The following AKAP8L variants were observed in gnomAD, a reference collection of about 807,000 sequenced individuals.
AKAP8L encodes the protein A-kinase anchor protein 8-like.
In AKAP8L, 34 loss-of-function variants were observed where a neutral mutation model predicts 77.5. The ratio of observed to expected loss-of-function variants is 0.44; its 90% CI spans 0.33 to 0.58. The LOEUF is 0.58. AKAP8L is among the 20% of genes least tolerant of loss of function. The probability of loss-of-function intolerance (pLI) is 0.02; values close to 1 mark genes in which losing one functional copy is unlikely to be tolerated. For missense variants in AKAP8L, 806 were observed against 887.6 expected (o/e 0.91, Z 1.17); for synonymous variants, 342 against 340.7 (o/e 1.00, Z -0.04).
chr19:15,418,272 T>C (rs1356550635), intron 1 of AKAP8L, among the ~76,000 whole-genome samples: 1 of 152,234 alleles, frequency 6.6e-6, no homozygotes, highest in Non-Finnish European at 1.5e-5. Flanking sequence ...ACCCAGTCTG[T>C]ACCGGACACG....
At chr19:15,385,040 G>C (rs1201692249) in intron 12 of AKAP8L, among the ~76,000 whole-genome samples, 2 of 150,768 alleles carry the variant, frequency 1.3e-5, no homozygotes, top group Admixed American at 6.6e-5. Context: ...TGCAGTGGCG[G>C]GATCTCGGCT....
chr19:15,412,733 G>A (rs1452616868), intron 1 of AKAP8L, among the ~76,000 whole-genome samples: 4 of 152,286 alleles, frequency 2.6e-5, no homozygotes, highest in South Asian at 4.1e-4. Context: ...TAGTAGAGAT[G>A]GGGTTTCACC....
chr19:15,391,955 C>G (rs892229039), intron 12 of AKAP8L, among the ~76,000 whole-genome samples: 1 of 152,190 alleles, frequency 6.6e-6, no homozygotes, highest in Non-Finnish European at 1.5e-5. Context: ...CTTACCTCAG[C>G]CTCCTGCGTA....
chr19:15,399,010 T>C lies in AKAP8L; in HGVS notation c.1157+292A>G, dbSNP rs1599605238. ...AGGGGCATCAGGCCCCCAGTGCACC[T>C]TGGGGTTCGTGCGCCGAGTGACCTA... On this transcript the variant is annotated intron_variant, in intron 9 of 13. Transcript: ENST00000397410. This position sits in a 1 kb window ranked among gnomAD's most constrained non-coding sequence, Gnocchi z 6.1. 6.9e-6 allele frequency: 3 copies of C among 435,164 alleles called. No individual in the cohort carries two copies. The highest frequency in any genetic ancestry group is 1.3e-5 in the Non-Finnish European group (3 of 237,486). 27.0% of individuals were successfully genotyped at this position (435,164 alleles called of 1,614,324 possible).
At position 15,397,360 on chromosome 19, in the gene AKAP8L, GCTC is replaced by G. The variant is rs1447072112; in HGVS notation, c.1406-83_1406-81del. The G allele has an allele frequency of 1.2e-5, 18 of 1,560,166 alleles. 1 individual carries two copies. The highest frequency in any genetic ancestry group is 1.6e-5 in the Non-Finnish European group (18 of 1,145,036). On this transcript the variant is annotated intron_variant, in intron 11 of 13. Transcript: ENST00000397410. The surrounding 1 kb of genome is among the most constrained non-coding windows in gnomAD (Gnocchi z 4.7). ...GGTGTTCGAGAAAAAAACCACACCA[GCTC>G]CTCCTCAACTCGCCCTGCCACTTCC...
chr19:15,398,802 G>T lies in AKAP8L; in HGVS notation c.1157+500C>A, dbSNP rs1196261057. On this transcript the variant is annotated intron_variant, in intron 9 of 13. Transcript: ENST00000397410. This position sits in a 1 kb window ranked among gnomAD's most constrained non-coding sequence, Gnocchi z 9.2. ...ACAGACCCGACCAAGGGGCGTGAAGGGCTCAGCCGCAGACAGGCCCGGCCT... is the reference window on the plus strand; with the variant it reads ...ACAGACCCGACCAAGGGGCGTGAAGTGCTCAGCCGCAGACAGGCCCGGCCT... 3 of 1,004,094 alleles carry T rather than the reference G, an allele frequency of 3.0e-6. No individual in the cohort carries two copies. The African/African-American group carries it at 5.2e-5, about 18-fold the overall frequency. The allele number at this position is 1,004,094 out of a possible 1,614,324, so 62.2% of individuals were successfully genotyped here.
chr19:15,391,179 G>T (rs188387753), intron 12 of AKAP8L, among the ~76,000 whole-genome samples: 3 of 152,102 alleles, frequency 2.0e-5, no homozygotes, highest in African/African-American at 7.2e-5. Context: ...CTAAAAACTA[G>T]GTTGGGCACG....
rs767636501 is a variant in AKAP8L at position 15,380,439 on chromosome 19, A to T, written c.1633-9T>A. 1.2e-6 allele frequency: 2 copies of T among 1,608,254 alleles called. No individual in the cohort carries two copies. Among genetic ancestry groups the T allele is most frequent in the African/African-American group, 2.7e-5 (2 of 74,798 alleles). ...GTGAAAGGGTTCTCGCCCTGTGGGG[A>T]GGGGCGCGGACACTGAAGGGAGGGA... On this transcript the variant is annotated splice_polypyrimidine_tract_variant and intron_variant, in intron 13 of 13. Transcript: ENST00000397410.
At chr19:15,408,828 C>T (rs537359248) in intron 2 of AKAP8L, among the ~76,000 whole-genome samples, 15 of 149,396 alleles carry the variant, frequency 1.0e-4, no homozygotes, top group South Asian at 6.3e-4. Context: ...GCTGAGATCG[C>T]GCCACTGCAC....
chr19:15,407,263 T>G (rs1302522031), intron 2 of AKAP8L, among the ~76,000 whole-genome samples: 1 of 152,002 alleles, frequency 6.6e-6, no homozygotes, highest in African/African-American at 2.4e-5. Flanking sequence ...CTTAAAAAAA[T>G]AAAATAAAAT....
intron 2 of AKAP8L, chr19:15,404,386 A>C: frequency 4.1e-6 from 1 of 244,426 alleles, no homozygotes; most frequent in Non-Finnish European, 7.9e-6. Flanking sequence ...AGAAAACCCA[A>C]CCCCAGTCTC....
Position 15,380,208 on chromosome 19 carries a change from G to C in AKAP8L, c.1855C>G (p.Leu619Val). 1 of 1,508,592 alleles carries C rather than the reference G, an allele frequency of 6.6e-7. No individual in the cohort carries two copies. Among genetic ancestry groups the C allele is most frequent in the Non-Finnish European group, 8.8e-7 (1 of 1,137,080 alleles). 93.5% of individuals were successfully genotyped at this position (1,508,592 alleles called of 1,614,324 possible). A position where few individuals can be genotyped will look rare whatever the true frequency, so the allele number is the denominator to read the frequency against. ...ATCTGGCGTTGCAGCGCCCCTCCCA[G>C]CAAGGGCACGGCGCCCTCCTCCTCC... is the stretch of plus-strand genomic sequence containing the variant. ...EEEEEGAVPL[L>V]GGALQRQIRG... The change falls in exon 14 of 14, where the codon CTG becomes GTG. Residue 619 changes from leucine (L) to valine (V), a missense_variant. Transcript: ENST00000397410.
At chr19:15,386,146 G>A (rs923826221) in intron 12 of AKAP8L, among the ~76,000 whole-genome samples, 1 of 151,786 alleles carries the variant, frequency 6.6e-6, no homozygotes, top group East Asian at 1.9e-4. Context: ...TCCTGACCTC[G>A]TGATCCGCCT....
rs566667975 is a variant in AKAP8L, at chr19:15,397,009, G to A, written c.1536+141C>T. 2.4e-4 allele frequency: 285 copies of A among 1,196,336 alleles called. 3 individuals are homozygous for A. The South Asian group carries it at 3.8e-3, about 16-fold the overall frequency. 74.1% of individuals were successfully genotyped at this position (1,196,336 alleles called of 1,614,324 possible). A position where few individuals can be genotyped will look rare whatever the true frequency, so the allele number is the denominator to read the frequency against. Reference sequence around the variant, plus strand: ...TCTCTGTAGCTGTGCTGCCTGCACTGAGCTGGAAATGTCCATATCCACCTC... The same window carrying A: ...TCTCTGTAGCTGTGCTGCCTGCACTAAGCTGGAAATGTCCATATCCACCTC... On this transcript the variant is annotated intron_variant, in intron 12 of 13. Coordinates refer to ENST00000397410, the MANE Select transcript of AKAP8L (RefSeq NM_014371.4). This position sits in a 1 kb window ranked among gnomAD's most constrained non-coding sequence, Gnocchi z 4.7.
chr19:15,413,343 C>T (rs1352954752), intron 1 of AKAP8L, among the ~76,000 whole-genome samples: 1 of 152,202 alleles, frequency 6.6e-6, no homozygotes, highest in African/African-American at 2.4e-5. Context: ...CAAGGTGCTT[C>T]CCCAGACCCC....
At chr19:15,380,766 C>T in intron 12 of AKAP8L, 154 bp from the exon 13 acceptor site, 2 of 631,770 alleles carry the variant, frequency 3.2e-6, no homozygotes, top group Non-Finnish European at 2.8e-6. Context: ...CATGGAACCA[C>T]AACCTATCTG....
At chr19:15,390,792 G>GT (rs1967644703) in intron 12 of AKAP8L, among the ~76,000 whole-genome samples, 1 of 152,120 alleles carries the variant, frequency 6.6e-6, no homozygotes, top group Non-Finnish European at 1.5e-5. Context: ...CTAACATACT[G>GT]TAACAACACA....
At chr19:15,386,523 T>G (rs1967541389) in intron 12 of AKAP8L, among the ~76,000 whole-genome samples, 2 of 152,170 alleles carry the variant, frequency 1.3e-5, no homozygotes, top group South Asian at 4.1e-4. Flanking sequence ...CACAACCTAT[T>G]GCATCCCTGC....
intron 12 of AKAP8L, among the ~76,000 whole-genome samples, chr19:15,386,369 C>T (rs1164153032): frequency 1.3e-5 from 2 of 152,178 alleles, no homozygotes; most frequent in Non-Finnish European, 1.5e-5. Flanking sequence ...CTGGAACACT[C>T]CCTAGTGAAA....
Sources: gnomAD v4.1 joint callset for allele counts (sites outside exome capture counted in the v4.1 genomes callset) on GRCh38, gnomAD v4.1.1 for gene constraint, Gnocchi (gnomAD v3.1) non-coding constraint, MANE v1.5 for transcripts, NCBI Gene and HGNC (gene_info 2026-07-23, HGNC 2026-07-21) for gene names.